Variants in SLC2A9 observed in about 807,000 individuals in gnomAD.
The protein encoded by SLC2A9 is solute carrier family 2 member 9.
SLC2A9 carries 39 observed loss-of-function variants against 50.6 expected under a neutral mutation model. The ratio of observed to expected loss-of-function variants is 0.77; its 90% CI spans 0.60 to 1.01. SLC2A9 has a LOEUF of 1.01. Ranked by LOEUF, SLC2A9 falls within the 50% of genes least tolerant of loss-of-function variation. SLC2A9 has a pLI of 0.00. For synonymous variants in SLC2A9, 324 were observed against 276.9 expected (o/e 1.17, Z -1.69); for missense variants, 686 against 677.6 (o/e 1.01, Z -0.14).
At chr4:9,778,053 TTTCCTTCC>T (rs1163039690), downstream of SLC2A9, among the ~76,000 whole-genome samples, 301 of 13,934 alleles carry the variant, frequency 0.022, 6 homozygotes, top group African/African-American at 0.058. Flanking sequence ...TCTTTCTTTC[TTTCCTTCC>T]TTCCTTCCTT....
chr4:10,036,318 C>T (rs571673002), intron 1 of SLC2A9, among the ~76,000 whole-genome samples: 2 of 151,576 alleles, frequency 1.3e-5, no homozygotes, highest in East Asian at 1.9e-4. Context: ...GTGAAATTGA[C>T]CAAAAAAAAA....
At chr4:9,809,857 T>TG (rs1722645895) in intron 3 of SLC2A9, among the ~76,000 whole-genome samples, 1 of 151,202 alleles carries the variant, frequency 6.6e-6, no homozygotes, top group African/African-American at 2.5e-5. Flanking sequence ...CTTTTCTTTT[T>TG]TTTTTTTTTT....
chr4:9,796,088 G>A (rs1409779687), downstream of SLC2A9, among the ~76,000 whole-genome samples: 1 of 152,178 alleles, frequency 6.6e-6, no homozygotes, highest in Non-Finnish European at 1.5e-5. Context: ...ACCCATAAGT[G>A]AGACTCTAGA....
At chr4:9,810,839 G>C (rs1205129060) in intron 3 of SLC2A9, among the ~76,000 whole-genome samples, 2 of 152,232 alleles carry the variant, frequency 1.3e-5, no homozygotes, top group African/African-American at 4.8e-5. Context: ...TCCTGGAAGG[G>C]CCAGTGGGCA....
intron 11 of SLC2A9, among the ~76,000 whole-genome samples, chr4:9,833,533 TG>T (rs1340719156): frequency 1.3e-5 from 2 of 152,022 alleles, no homozygotes; most frequent in Admixed American, 1.3e-4. Context: ...GAGGGTGATG[TG>T]GGCACAGAAA....
At chr4:9,798,860 TA>T (rs1390119522), downstream of SLC2A9, 1 of 152,226 alleles carries the variant, frequency 6.6e-6, no homozygotes, top group Non-Finnish European at 1.5e-5. Context: ...TTTTCCTTTC[TA>T]GAAGATGGGG....
At chr4:9,980,759 G>T (rs371003329) in intron 4 of SLC2A9, 22 bp from the exon 5 acceptor site, 2 of 1,614,066 alleles carry the variant, frequency 1.2e-6, no homozygotes, top group African/African-American at 2.7e-5. Flanking sequence ...AAGCATAGCA[G>T]CAGTTAGAGA....
intron 3 of SLC2A9, chr4:9,781,976 T>C (rs1307460856): frequency 7.4e-7 from 1 of 1,349,090 alleles, no homozygotes; most frequent in African/African-American, 1.5e-5. Flanking sequence ...TGCCTGGGGG[T>C]CGCAGGGCTG....
At chr4:9,852,547 C>T (rs113563682) in intron 10 of SLC2A9, among the ~76,000 whole-genome samples, 2,078 of 152,228 alleles carry the variant, frequency 0.014, 45 homozygotes, top group African/African-American at 0.048. Context: ...CCACCGCGCC[C>T]GGCCTCCAGT....
chr4:9,798,419 A>T (rs2280208), downstream of SLC2A9, among the ~76,000 whole-genome samples: 10 of 152,294 alleles, frequency 6.6e-5, no homozygotes, highest in South Asian at 2.1e-3. Context: ...GCCAGAGAAG[A>T]CTGATTGTCT....
intron 2 of SLC2A9, among the ~76,000 whole-genome samples, chr4:10,014,393 C>T (rs1336847142): frequency 6.6e-6 from 1 of 152,238 alleles, no homozygotes; most frequent in Non-Finnish European, 1.5e-5. Flanking sequence ...CTGCTCAGCT[C>T]ACACTCAGGG....
At chr4:9,997,094 C>A (rs1185687460) in intron 2 of SLC2A9, among the ~76,000 whole-genome samples, 153 bp from the exon 3 acceptor site, 1 of 152,214 alleles carries the variant, frequency 6.6e-6, no homozygotes, top group Non-Finnish European at 1.5e-5. Flanking sequence ...CCTCTTCTAA[C>A]AAATTTTGGG....
chr4:9,856,438 T>A (rs1431651148), intron 10 of SLC2A9, among the ~76,000 whole-genome samples: 1 of 152,182 alleles, frequency 6.6e-6, no homozygotes, highest in Non-Finnish European at 1.5e-5. Context: ...TCAGTCAGAA[T>A]GGCTATTCTT....
At chr4:9,976,140 A>G (rs1223292135) in intron 5 of SLC2A9, among the ~76,000 whole-genome samples, 1 of 152,238 alleles carries the variant, frequency 6.6e-6, no homozygotes, top group African/African-American at 2.4e-5. Flanking sequence ...TTGAAAAACT[A>G]TTGGGTAGTA....
intron 2 of SLC2A9, among the ~76,000 whole-genome samples, chr4:10,011,193 C>T (rs185541067): frequency 4.3e-4 from 66 of 152,340 alleles, no homozygotes; most frequent in Admixed American, 3.5e-3. Flanking sequence ...CAGAATCTTC[C>T]TGTAGGCTCT....
intron 10 of SLC2A9, among the ~76,000 whole-genome samples, chr4:9,886,983 G>A (rs1440152736): frequency 6.6e-6 from 1 of 152,212 alleles, no homozygotes; most frequent in African/African-American, 2.4e-5. Flanking sequence ...GTAAACTGAG[G>A]CTGGGATACT....
chr4:9,987,595 T>G (rs975101631), intron 3 of SLC2A9, among the ~76,000 whole-genome samples: 77 of 152,196 alleles, frequency 5.1e-4, no homozygotes, highest in Admixed American at 3.8e-3. Flanking sequence ...GTCTCTGATC[T>G]TAGAACTTGC....
At chr4:10,024,870 T>C (rs761316945), upstream of SLC2A9, among the ~76,000 whole-genome samples, 1 of 152,230 alleles carries the variant, frequency 6.6e-6, no homozygotes, top group Non-Finnish European at 1.5e-5. Flanking sequence ...ATGTTTGAAA[T>C]GACTACATCC....
chr4:10,031,315 T>G (rs191900057), intron 1 of SLC2A9, among the ~76,000 whole-genome samples: 2 of 152,352 alleles, frequency 1.3e-5, no homozygotes, highest in Non-Finnish European at 2.9e-5. Context: ...ATTCAATTGT[T>G]TGCATGGCCA....
Sources: allele counts gnomAD v4.1 joint callset (sites outside exome capture counted in the v4.1 genomes callset), GRCh38; gene constraint gnomAD v4.1.1; transcripts MANE v1.5; gene names NCBI Gene and HGNC (gene_info 2026-07-23, HGNC 2026-07-21).